Variants in DSCAML1 observed in about 807,000 individuals in gnomAD.
DSCAML1 encodes cell adhesion molecule DSCAML1.
A neutral mutation model predicts 200.5 loss-of-function variants in DSCAML1; 38 were observed. The ratio of observed to expected loss-of-function variants is 0.19; its 90% CI spans 0.15 to 0.25. The LOEUF (loss-of-function observed/expected upper bound fraction) is 0.25, where lower values mean the gene tolerates loss of function less well. Ranked by LOEUF, DSCAML1 falls within the 10% of genes least tolerant of loss-of-function variation. DSCAML1 has a pLI of 1.00. For missense variants in DSCAML1, 2,223 were observed against 2,858.8 expected, an observed-to-expected ratio of 0.78 and a Z score of 5.07; for synonymous variants, 1,215 against 1,165.0, an observed-to-expected ratio of 1.04 and a Z score of -0.87.
At position 117,518,692 on chromosome 11, in the gene DSCAML1, C is replaced by A. The variant is rs2049826959; in HGVS notation, c.1284G>T (p.Met428Ile). Residue 428 changes from methionine (M) to isoleucine (I), a missense_variant, in exon 7 of 33, where the codon ATG becomes ATT. Met to Ile is a conservative substitution (Grantham distance 10). Transcript: ENST00000651296. This position sits in a 1 kb window ranked among gnomAD's most constrained non-coding sequence, Gnocchi z 6.3. ...VVNPGEQFSLMCAAKGAPPPT... is the reference protein window; with the variant it reads ...VVNPGEQFSLICAAKGAPPPT... ...GGGGCGGGGCGCCCTTGGCCGCACACATCAGTGAGAACTGCTCCCCGGGGT... is the reference window on the plus strand; with the variant it reads ...GGGGCGGGGCGCCCTTGGCCGCACAAATCAGTGAGAACTGCTCCCCGGGGT... 6.2e-7 allele frequency: 1 copy of A among 1,613,406 alleles called. No homozygotes were observed. The highest frequency in any genetic ancestry group is 8.5e-7 in the Non-Finnish European group (1 of 1,180,012).
chr11:117,496,306 C>A (rs1344108186), intron 11 of DSCAML1, among the ~76,000 whole-genome samples: 1 of 152,132 alleles, frequency 6.6e-6, no homozygotes, highest in Admixed American at 6.5e-5. Flanking sequence ...GCTGGACACC[C>A]GGGGGCTGCT....
chr11:117,615,235 A>G (rs1027944093), intron 3 of DSCAML1, among the ~76,000 whole-genome samples: 5 of 152,186 alleles, frequency 3.3e-5, no homozygotes, highest in Non-Finnish European at 7.3e-5. Context: ...CGGAGGTGAC[A>G]ATAATGTTGA....
chr11:117,458,990 C>T, intron 18 of DSCAML1, 81 bp from the exon 19 acceptor site: 1 of 1,531,438 alleles, frequency 6.5e-7, no homozygotes, highest in Non-Finnish European at 8.9e-7. Flanking sequence ...CTGGGCTCTG[C>T]CCACACCTAC....
rs1353251947 is a variant in DSCAML1 at position 117,769,170 on chromosome 11, TTTATATATATTATAC to T, written c.511+7606_511+7620del. Among the ~76,000 whole-genome samples, 15 of 23,652 alleles carry T rather than the reference TTTATATATATTATAC, an allele frequency of 6.3e-4. 1 individual carries two copies. The highest frequency in any genetic ancestry group is 2.3e-3 in the Admixed American group (2 of 872). 15.5% of individuals were successfully genotyped at this position (23,652 alleles called of 152,430 possible). On this transcript the variant is annotated intron_variant, in intron 3 of 32. Transcript: ENST00000651296. The stretch of plus-strand genomic sequence containing the variant: ...TATATATTTTATATATATTATATAT[TTTATATATATTATAC>T]ATATATATTTTATATATATTATATA...
intron 20 of DSCAML1, among the ~76,000 whole-genome samples, chr11:117,446,048 A>G (rs1003244410): frequency 6.6e-6 from 1 of 152,248 alleles, no homozygotes; most frequent in Non-Finnish European, 1.5e-5. Flanking sequence ...TTCTGTAAAA[A>G]GAAAAACTAT....
rs151080632 is a variant in DSCAML1, at chr11:117,474,428, C to G, written c.2786-2392G>C. 1.4e-3 allele frequency among the ~76,000 whole-genome samples: 209 copies of G among 152,308 alleles called. 2 individuals carry two copies. The highest frequency in any genetic ancestry group is 4.9e-3 in the African/African-American group (204 of 41,574). On this transcript the variant is annotated intron_variant, in intron 14 of 32. Coordinates refer to ENST00000651296, the MANE Select transcript of DSCAML1 (RefSeq NM_020693.4). ...TCTTCAAGCCTCCACCCGAGGCTTCCTTCTCTCTTGCCATGCACTTTCCCC... is the reference window on the plus strand; with the variant it reads ...TCTTCAAGCCTCCACCCGAGGCTTCGTTCTCTCTTGCCATGCACTTTCCCC...
intron 1 of DSCAML1, among the ~76,000 whole-genome samples, chr11:117,796,475 G>C (rs968300765): frequency 6.6e-6 from 1 of 152,236 alleles, no homozygotes; most frequent in Non-Finnish European, 1.5e-5. Context: ...TCCAGCTCTC[G>C]GGACTCTCAC....
At chr11:117,698,708 G>C (rs1806543685) in intron 3 of DSCAML1, among the ~76,000 whole-genome samples, 1 of 152,078 alleles carries the variant, frequency 6.6e-6, no homozygotes, top group Admixed American at 6.5e-5. Flanking sequence ...GTGCTTATCG[G>C]CTACATGTAT....
chr11:117,727,502 C>T (rs529643239), intron 3 of DSCAML1, among the ~76,000 whole-genome samples: 57 of 152,300 alleles, frequency 3.7e-4, no homozygotes, highest in African/African-American at 1.2e-3. Context: ...AGCATATTAC[C>T]TCTCTTGATG....
chr11:117,718,631 T>G (rs1052621435), intron 3 of DSCAML1, among the ~76,000 whole-genome samples: 9 of 149,060 alleles, frequency 6.0e-5, no homozygotes, highest in African/African-American at 2.2e-4. Context: ...CCAGTTTTTC[T>G]TTCTAAAAAT....
At chr11:117,793,842 T>C (rs890614437) in intron 1 of DSCAML1, among the ~76,000 whole-genome samples, 1 of 152,174 alleles carries the variant, frequency 6.6e-6, no homozygotes, top group Non-Finnish European at 1.5e-5. Flanking sequence ...GGCAGCTGGC[T>C]TTGATGCCCA....
intron 1 of DSCAML1, among the ~76,000 whole-genome samples, chr11:117,789,776 T>G (rs1035041234): frequency 1.3e-5 from 2 of 151,864 alleles, no homozygotes; most frequent in African/African-American, 4.8e-5. Flanking sequence ...TCAGGACCAG[T>G]GAGTAGAAGG....
intron 1 of DSCAML1, among the ~76,000 whole-genome samples, chr11:117,812,550 G>A (rs1045590147): frequency 1.3e-5 from 2 of 150,854 alleles, no homozygotes; most frequent in African/African-American, 2.4e-5. Context: ...CTTTGCACCC[G>A]TCATCCCAGC....
chr11:117,521,380 T>C lies in DSCAML1; in HGVS notation c.963A>G (p.Pro321=), dbSNP rs771404389. ...TGCCAATGCCGGTCTTCAGCTTCTTTGGTGTCAGGGTCACATGAAGGGGAT... is the reference window on the plus strand; with the variant it reads ...TGCCAATGCCGGTCTTCAGCTTCTTCGGTGTCAGGGTCACATGAAGGGGAT... ...VIDPLHVTLT[P]KKLKTGIGST... is the part of the protein sequence containing the mutation. The change falls in exon 6 of 33, where the codon CCA becomes CCG. Residue 321 remains proline, a synonymous_variant. Transcript: ENST00000651296. 3.7e-6 allele frequency: 6 copies of C among 1,613,896 alleles called. No individual in the cohort carries two copies. The highest frequency in any genetic ancestry group is 4.2e-6 in the Non-Finnish European group (5 of 1,179,872).
At position 117,489,285 on chromosome 11, in the gene DSCAML1, G is replaced by T. The variant is rs1464996315; in HGVS notation, c.2360-7123C>A. On this transcript the variant is annotated intron_variant, in intron 11 of 32. Coordinates refer to ENST00000651296, the MANE Select transcript of DSCAML1 (RefSeq NM_020693.4). This position sits in a 1 kb window ranked among gnomAD's most constrained non-coding sequence, Gnocchi z 4.8. Reference sequence around the variant, plus strand: ...TTTAGGGGTGCAGGCGGGAGAGCCGGGGTGGGGTATATGCACAGGGCTGGG... The same window carrying T: ...TTTAGGGGTGCAGGCGGGAGAGCCGTGGTGGGGTATATGCACAGGGCTGGG... Among the ~76,000 whole-genome samples, 1 of 152,232 alleles carries T rather than the reference G, an allele frequency of 6.6e-6. No homozygotes were observed. The highest frequency in any genetic ancestry group is 2.4e-5 in the African/African-American group (1 of 41,446).
At chr11:117,557,422 A>G (rs2050578323) in intron 3 of DSCAML1, among the ~76,000 whole-genome samples, 2 of 152,060 alleles carry the variant, frequency 1.3e-5, no homozygotes, top group African/African-American at 2.4e-5. Context: ...CCCCCTCCTG[A>G]CCACCGTCCC....
chr11:117,666,142 G>A (rs1441813420), intron 3 of DSCAML1, among the ~76,000 whole-genome samples: 6 of 152,172 alleles, frequency 3.9e-5, no homozygotes, highest in Non-Finnish European at 8.8e-5. Flanking sequence ...GAATAGTATG[G>A]TGAGAGGGGC....
intron 3 of DSCAML1, among the ~76,000 whole-genome samples, chr11:117,645,226 C>T (rs1021300177): frequency 2.0e-5 from 3 of 152,208 alleles, no homozygotes; most frequent in African/African-American, 7.2e-5. Context: ...AACTCCCTCC[C>T]AGTTTGATGG....
chr11:117,449,370 G>T (rs528742797), intron 20 of DSCAML1, among the ~76,000 whole-genome samples: 4 of 152,088 alleles, frequency 2.6e-5, no homozygotes, highest in Non-Finnish European at 4.4e-5. Context: ...AGGATGGAGT[G>T]GGGGGCCGCA....
Sources: allele counts gnomAD v4.1 joint callset (sites outside exome capture counted in the v4.1 genomes callset), GRCh38; gene constraint gnomAD v4.1.1; non-coding constraint Gnocchi (gnomAD v3.1); transcripts MANE v1.5; gene names NCBI Gene and HGNC (gene_info 2026-07-23, HGNC 2026-07-21).